Variants in RBFOX1 observed in about 807,000 individuals in gnomAD.
The protein encoded by RBFOX1 is RNA binding fox-1 homolog 1.
RBFOX1 carries 8 observed loss-of-function variants against 57.7 expected under a neutral mutation model. The ratio of observed to expected loss-of-function variants is 0.14; its 90% CI spans 0.08 to 0.25. The LOEUF (loss-of-function observed/expected upper bound fraction) is 0.25, where lower values mean the gene tolerates loss of function less well. Among genes scored for constraint, RBFOX1 ranks in the 10% least tolerant of loss-of-function variants. The pLI is 1.00. For missense variants in RBFOX1, 611 were observed against 548.5 expected, an observed-to-expected ratio of 1.11 and a Z score of -1.14; for synonymous variants, 326 against 222.4, an observed-to-expected ratio of 1.47 and a Z score of -4.15.
chr16:7,047,630 C>T (rs1210314627), intron 3 of RBFOX1, among the ~76,000 whole-genome samples: 2 of 141,034 alleles, frequency 1.4e-5, no homozygotes, highest in East Asian at 2.1e-4. Flanking sequence ...TTTTTTTTTG[C>T]AGTGAACTCT....
At chr16:6,572,516 C>T (rs1441963845) in intron 2 of RBFOX1, among the ~76,000 whole-genome samples, 3 of 152,180 alleles carry the variant, frequency 2.0e-5, no homozygotes, top group South Asian at 2.1e-4. Flanking sequence ...CATTATTTAG[C>T]GTGAACCGTA....
chr16:5,649,566 T>C (rs2049164754), intron 3 of RBFOX1, among the ~76,000 whole-genome samples: 1 of 152,194 alleles, frequency 6.6e-6, no homozygotes, highest in African/African-American at 2.4e-5. Flanking sequence ...ACAGAAATCA[T>C]AGCTAAGCTC....
chr16:6,751,576 C>T (rs550673749), intron 3 of RBFOX1, among the ~76,000 whole-genome samples: 1 of 152,136 alleles, frequency 6.6e-6, no homozygotes, highest in African/African-American at 2.4e-5. Context: ...ACAGTGCTTC[C>T]TCTGCACATC....
chr16:5,900,916 C>A (rs1220225368), intron 4 of RBFOX1, among the ~76,000 whole-genome samples: 1 of 152,152 alleles, frequency 6.6e-6, no homozygotes, highest in African/African-American at 2.4e-5. Flanking sequence ...ATTAATAGAA[C>A]AAATCTTTCC....
chr16:5,587,459 T>C (rs923933334), intron 2 of RBFOX1, among the ~76,000 whole-genome samples: 12 of 152,210 alleles, frequency 7.9e-5, no homozygotes, highest in Admixed American at 3.9e-4. Context: ...ACGCCTGTCA[T>C]CCCAGCACTT....
At chr16:6,730,078 G>T in intron 3 of RBFOX1, among the ~76,000 whole-genome samples, 1 of 152,102 alleles carries the variant, frequency 6.6e-6, no homozygotes, top group East Asian at 1.9e-4. Flanking sequence ...TTCCCAGGCT[G>T]CCTGTTAGAA....
chr16:5,412,105 C>T (rs559068554), intron 1 of RBFOX1, among the ~76,000 whole-genome samples: 6 of 152,122 alleles, frequency 3.9e-5, no homozygotes, highest in African/African-American at 1.4e-4. Flanking sequence ...TAATGGGGAC[C>T]ACTGAGACTG....
chr16:5,908,075 T>TATATATATACACATATATACAC (rs1567133349), intron 4 of RBFOX1, among the ~76,000 whole-genome samples: 1 of 118,240 alleles, frequency 8.5e-6, no homozygotes, highest in Non-Finnish European at 1.8e-5. Context: ...TGTATGTATA[T>TATATATATACACATATATACAC]ATATATATAT....
chr16:7,383,063 GAAAA>G (rs201979928), intron 4 of RBFOX1, among the ~76,000 whole-genome samples: 1 of 150,526 alleles, frequency 6.6e-6, no homozygotes, highest in Admixed American at 6.6e-5. Context: ...GGTATCTAAA[GAAAA>G]AAAAATGCAA....
At chr16:5,684,778 C>T (rs1003645147) in intron 3 of RBFOX1, among the ~76,000 whole-genome samples, 10 of 152,306 alleles carry the variant, frequency 6.6e-5, no homozygotes, top group Admixed American at 2.0e-4. Flanking sequence ...GCTGGTATAT[C>T]TGGAGCCCTG....
intron 3 of RBFOX1, among the ~76,000 whole-genome samples, chr16:5,710,223 T>C (rs2051434563): frequency 6.6e-6 from 1 of 152,086 alleles, no homozygotes; most frequent in Non-Finnish European, 1.5e-5. Flanking sequence ...ACTTTGCAGA[T>C]GTTGAAACTG....
intron 1 of RBFOX1, among the ~76,000 whole-genome samples, chr16:6,225,391 A>G (rs1330765899): frequency 1.3e-5 from 2 of 152,302 alleles, no homozygotes; most frequent in East Asian, 1.9e-4. Flanking sequence ...GAACTTGGTT[A>G]TGAAGCCCCT....
intron 3 of RBFOX1, among the ~76,000 whole-genome samples, chr16:6,733,031 T>TA (rs1184751907): frequency 1.3e-5 from 2 of 152,202 alleles, no homozygotes; most frequent in Non-Finnish European, 2.9e-5. Flanking sequence ...ATAGTCTTTT[T>TA]AAAAATTAAC....
chr16:6,925,442 C>G lies in RBFOX1; in HGVS notation c.-15-126615C>G, dbSNP rs1031882978. ...ACCCAGCCTATCCTTTTTAATGCGA[C>G]TAATGGACTCCACATTTATTTATTT... is the stretch of plus-strand genomic sequence containing the variant. On this transcript the variant is annotated intron_variant, in intron 3 of 15. Transcript: ENST00000550418. Among the ~76,000 whole-genome samples the G allele has an allele frequency of 9.5e-4, 137 of 144,028 alleles. 1 individual carries two copies. The highest frequency in any genetic ancestry group is 3.3e-3 in the African/African-American group (127 of 38,878). 94.5% of individuals were successfully genotyped at this position (144,028 alleles called of 152,430 possible).
intron 1 of RBFOX1, among the ~76,000 whole-genome samples, chr16:6,308,228 G>A (rs960109431): frequency 6.6e-6 from 1 of 151,976 alleles, no homozygotes; most frequent in Non-Finnish European, 1.5e-5. Flanking sequence ...GTTATTATTT[G>A]CACATCCTAT....
At chr16:6,672,760 C>T (rs148391219) in intron 3 of RBFOX1, among the ~76,000 whole-genome samples, 52 of 152,290 alleles carry the variant, frequency 3.4e-4, no homozygotes, top group African/African-American at 1.1e-3. Flanking sequence ...CAGTGTTAGT[C>T]ATACCTTCTA....
intron 3 of RBFOX1, among the ~76,000 whole-genome samples, chr16:7,019,178 G>A (rs553565645): frequency 6.6e-6 from 1 of 151,916 alleles, no homozygotes; most frequent in South Asian, 2.1e-4. Context: ...AAATTTTTTA[G>A]GACACTAAAT....
intron 1 of RBFOX1, among the ~76,000 whole-genome samples, chr16:6,315,090 A>G (rs139903519): frequency 6.6e-6 from 1 of 152,370 alleles, no homozygotes; most frequent in East Asian, 1.9e-4. Context: ...CTTTGTGCTA[A>G]GCACAATGCT....
intron 5 of RBFOX1, among the ~76,000 whole-genome samples, chr16:7,524,920 T>C (rs902112043): frequency 2.8e-4 from 42 of 152,330 alleles, no homozygotes; most frequent in African/African-American, 9.9e-4. Context: ...ATTATTATTA[T>C]CATCATCAAA....
Sources: allele counts gnomAD v4.1 joint callset (sites outside exome capture counted in the v4.1 genomes callset), GRCh38; gene constraint gnomAD v4.1.1; transcripts MANE v1.5; gene names NCBI Gene and HGNC (gene_info 2026-07-23, HGNC 2026-07-21).